The following FAM177A1 variants were observed in gnomAD, a reference collection of about 807,000 sequenced individuals.
FAM177A1 encodes the protein family with sequence similarity 177 member A1.
Under a neutral mutation model 26.1 loss-of-function variants are expected in FAM177A1, and 22 were observed. That is an observed-to-expected ratio of 0.84 (90% CI 0.60 to 1.20). The LOEUF (loss-of-function observed/expected upper bound fraction) is 1.20. FAM177A1 is among the 50% of genes most tolerant of loss of function. FAM177A1 has a pLI of 0.00. For synonymous variants in FAM177A1, 95 were observed against 99.3 expected, an observed-to-expected ratio of 0.96 and a Z score of 0.26; for missense variants, 296 against 291.1, an observed-to-expected ratio of 1.02 and a Z score of -0.12.
At chr14:35,073,106 T>C (rs943038831) in intron 2 of FAM177A1, among the ~76,000 whole-genome samples, 1 of 152,186 alleles carries the variant, frequency 6.6e-6, no homozygotes, top group Non-Finnish European at 1.5e-5. Context: ...GGAGTCTCGC[T>C]GTCACCCAGG....
In FAM177A1 at chr14:35,082,884, G is replaced by C. The variant is rs1595062583; in HGVS notation, c.*1656G>C. 5 of 152,100 alleles carry C rather than the reference G, an allele frequency of 3.3e-5. No homozygotes were observed. Among genetic ancestry groups the C allele is most frequent in the Admixed American group, 3.3e-4 (5 of 15,266 alleles). 9.4% of individuals were successfully genotyped at this position (152,100 alleles called of 1,614,324 possible). A position where few individuals can be genotyped will look rare whatever the true frequency, so the allele number is the denominator to read the frequency against. Reference sequence around the variant, plus strand: ...GAAGGATAATTAAACTTTTCATTAGGAGTGTTCAGCTACATGGATTCATGG... The same window carrying C: ...GAAGGATAATTAAACTTTTCATTAGCAGTGTTCAGCTACATGGATTCATGG... On this transcript the variant is annotated 3_prime_UTR_variant, in exon 5 of 5. Coordinates refer to ENST00000280987, the MANE Select transcript of FAM177A1 (RefSeq NM_173607.5).
rs2045200404 is a variant in FAM177A1, at chr14:35,063,972, CAG to C, written c.339+10522_339+10523del. On this transcript the variant is annotated intron_variant, in intron 2 of 4. Transcript: ENST00000280987. Reference sequence around the variant, plus strand: ...CTGAGGCAGGAGAATCGCTTGAATCCAGGAGGCAGAGATTGCAGTGAGCAGAG... The same window carrying C: ...CTGAGGCAGGAGAATCGCTTGAATCCGAGGCAGAGATTGCAGTGAGCAGAG... 2.1e-5 allele frequency among the ~76,000 whole-genome samples: 3 copies of C among 139,806 alleles called. No individual in the cohort carries two copies. The South Asian group carries it at 6.7e-4, about 31-fold the overall frequency. 91.7% of individuals were successfully genotyped at this position (139,806 alleles called of 152,430 possible).
chr14:35,061,500 A>G (rs1000678965), intron 2 of FAM177A1, among the ~76,000 whole-genome samples: 1 of 124,198 alleles, frequency 8.1e-6, no homozygotes, highest in African/African-American at 3.0e-5. Context: ...ACAAATGTCT[A>G]TTTGTTTTTT....
In FAM177A1 at chr14:35,082,239, G is replaced by A. The variant is rs905032990; in HGVS notation, c.*1011G>A. 6.6e-6 allele frequency: 1 copy of A among 152,078 alleles called. No individual in the cohort carries two copies. The highest frequency in any genetic ancestry group is 2.4e-5 in the African/African-American group (1 of 41,398). 9.4% of individuals were successfully genotyped at this position (152,078 alleles called of 1,614,324 possible). A position where few individuals can be genotyped will look rare whatever the true frequency, so the allele number is the denominator to read the frequency against. Reference sequence around the variant, plus strand: ...TGAAAATATTCCTAAATATGGCCAGGTACGGTGCTCACACCTGTAATCCCA... The same window carrying A: ...TGAAAATATTCCTAAATATGGCCAGATACGGTGCTCACACCTGTAATCCCA... On this transcript the variant is annotated 3_prime_UTR_variant, in exon 5 of 5. Transcript: ENST00000280987.
At chr14:35,057,543 TTAATTTTTTGTATTTTTAG>T (rs1323762137) in intron 2 of FAM177A1, among the ~76,000 whole-genome samples, 2 of 151,906 alleles carry the variant, frequency 1.3e-5, no homozygotes, top group African/African-American at 4.8e-5. Context: ...CCATGCCAAA[TTAATTTTTTGTATTTTTAG>T]TAGAGGCAGG....
rs2045474656 is a variant in FAM177A1 at position 35,081,042 on chromosome 14, AAAC to A, written c.527_529del (p.Asn176del). 1 of 1,609,778 alleles carries A rather than the reference AAAC, an allele frequency of 6.2e-7. No homozygotes were observed. The highest frequency in any genetic ancestry group is 8.5e-7 in the Non-Finnish European group (1 of 1,178,408). On this transcript the variant is annotated inframe_deletion, in exon 5 of 5. Coordinates refer to ENST00000280987, the MANE Select transcript of FAM177A1 (RefSeq NM_173607.5). Reference sequence around the variant, plus strand: ...TTTAGGAAGAAGAAGAAGAAGAAGAAAACAGGATGTCTGAAGAAGCAGAAAAAC... The same window carrying A: ...TTTAGGAAGAAGAAGAAGAAGAAGAAAGGATGTCTGAAGAAGCAGAAAAAC...
chr14:35,047,976 C>G (rs796078786), intron 1 of FAM177A1, among the ~76,000 whole-genome samples: 15 of 152,242 alleles, frequency 9.9e-5, no homozygotes, highest in African/African-American at 3.4e-4. Flanking sequence ...CTTATCCAGC[C>G]TGGGCAACAG....
intron 2 of FAM177A1, among the ~76,000 whole-genome samples, chr14:35,058,658 T>C (rs1056124921): frequency 6.6e-6 from 1 of 152,124 alleles, no homozygotes; most frequent in Non-Finnish European, 1.5e-5. Context: ...AAGGATTTCT[T>C]GAGCCCAGGA....
intron 3 of FAM177A1, among the ~76,000 whole-genome samples, 188 bp from the exon 4 acceptor site, chr14:35,078,738 AG>A (rs1313935866): frequency 6.6e-6 from 1 of 152,170 alleles, no homozygotes; most frequent in Non-Finnish European, 1.5e-5. Flanking sequence ...ACTTGTTGGG[AG>A]TTTTGAAGCC....
chr14:35,074,831 C>T (rs550351863), intron 2 of FAM177A1, among the ~76,000 whole-genome samples: 5 of 151,592 alleles, frequency 3.3e-5, no homozygotes, highest in Admixed American at 3.3e-4. Flanking sequence ...CACATGGGGC[C>T]GGAATTTGAG....
rs2045508930 is a variant in FAM177A1 at position 35,082,955 on chromosome 14, G to A, written c.*1727G>A. 1 of 152,180 alleles carries A rather than the reference G, an allele frequency of 6.6e-6. No individual in the cohort carries two copies. The highest frequency in any genetic ancestry group is 6.5e-5 in the Admixed American group (1 of 15,270). The allele number at this position is 152,180 out of a possible 1,614,324, so 9.4% of individuals were successfully genotyped here. On this transcript the variant is annotated 3_prime_UTR_variant, in exon 5 of 5. Transcript: ENST00000280987. ...GATGGTAATCTTTTTATTCATGGGTGTAAACCCTTTATAACTTAGTGCTTA... is the reference window on the plus strand; with the variant it reads ...GATGGTAATCTTTTTATTCATGGGTATAAACCCTTTATAACTTAGTGCTTA...
At chr14:35,073,155 C>T (rs1036478817) in intron 2 of FAM177A1, among the ~76,000 whole-genome samples, 2 of 152,190 alleles carry the variant, frequency 1.3e-5, no homozygotes, top group Non-Finnish European at 1.5e-5. Flanking sequence ...ACTGCAACCT[C>T]CATCTCCTGG....
chr14:35,064,861 C>A (rs1255704844), intron 2 of FAM177A1, among the ~76,000 whole-genome samples: 1 of 152,144 alleles, frequency 6.6e-6, no homozygotes, highest in Non-Finnish European at 1.5e-5. Context: ...ACCGTGTTAG[C>A]CAGGATGGTC....
rs1472676026 is a variant in FAM177A1, at chr14:35,055,288, G to A, written c.339+1837G>A. On this transcript the variant is annotated intron_variant, in intron 2 of 4. Coordinates refer to ENST00000280987, the MANE Select transcript of FAM177A1 (RefSeq NM_173607.5). ...ATTGTACTCCAGCCTGGTCAACAAGGGTGAAACTCCATCTAAAAAAAAAAA... is the reference window on the plus strand; with the variant it reads ...ATTGTACTCCAGCCTGGTCAACAAGAGTGAAACTCCATCTAAAAAAAAAAA... Among the ~76,000 whole-genome samples, 7 of 150,526 alleles carry A rather than the reference G, an allele frequency of 4.7e-5. No individual in the cohort carries two copies. The South Asian group carries it at 6.3e-4, about 14-fold the overall frequency.
chr14:35,075,853 A>T (rs1251598633), intron 2 of FAM177A1, among the ~76,000 whole-genome samples: 1 of 152,250 alleles, frequency 6.6e-6, no homozygotes, highest in Non-Finnish European at 1.5e-5. Context: ...AAAAATGCTC[A>T]TCATCACTGG....
chr14:35,060,637 T>G (rs72680655), intron 2 of FAM177A1, among the ~76,000 whole-genome samples: 5,038 of 152,300 alleles, frequency 0.033, 118 homozygotes, highest in Middle Eastern at 0.092. Flanking sequence ...GTGACTGCTG[T>G]GTTCTTTTAG....
At chr14:35,078,827 A>G (rs1376310720) in intron 3 of FAM177A1, 100 bp from the exon 4 acceptor site, 19 of 724,626 alleles carry the variant, frequency 2.6e-5, no homozygotes, top group Non-Finnish European at 4.0e-5. Flanking sequence ...CCTTGAGAGC[A>G]GGAACAGTAA....
At position 35,055,919 on chromosome 14, in the gene FAM177A1, T is replaced by C. The variant is rs74338067; in HGVS notation, c.339+2468T>C. ...TTGATTTTAGCAACCCTAGTGAATA[T>C]GTTATTTCATTGTCGTTTTGATTTA... On this transcript the variant is annotated intron_variant, in intron 2 of 4. Coordinates refer to ENST00000280987, the MANE Select transcript of FAM177A1 (RefSeq NM_173607.5). Among the ~76,000 whole-genome samples the C allele has an allele frequency of 5.6e-3, 852 of 152,354 alleles. 9 individuals carry two copies. The highest frequency in any genetic ancestry group is 0.02 in the African/African-American group (813 of 41,592).
At chr14:35,055,686 G>A (rs2045051013) in intron 2 of FAM177A1, among the ~76,000 whole-genome samples, 1 of 152,034 alleles carries the variant, frequency 6.6e-6, no homozygotes, top group Admixed American at 6.6e-5. Context: ...CCAAAGTGCT[G>A]GGATTACAGG....
Sources: gnomAD v4.1 joint callset for allele counts (sites outside exome capture counted in the v4.1 genomes callset) on GRCh38, gnomAD v4.1.1 for gene constraint, MANE v1.5 for transcripts, NCBI Gene and HGNC (gene_info 2026-07-23, HGNC 2026-07-21) for gene names.